The following RAB7A variants were observed in gnomAD, a reference collection of about 807,000 sequenced individuals.
RAB7A encodes RAB7A, member RAS oncogene family.
A neutral mutation model predicts 24.5 loss-of-function variants in RAB7A; 2 were observed. The ratio of observed to expected loss-of-function variants is 0.08; its 90% CI spans 0.03 to 0.26. The LOEUF (loss-of-function observed/expected upper bound fraction) is 0.26. RAB7A is among the 10% of genes least tolerant of loss of function. The pLI is 1.00. For missense variants in RAB7A, 118 were observed against 255.7 expected, an observed-to-expected ratio of 0.46 and a Z score of 3.67; for synonymous variants, 100 against 95.9, an observed-to-expected ratio of 1.04 and a Z score of -0.25.
chr3:128,798,875 C>A, intron 3 of RAB7A: 1 of 273,484 alleles, frequency 3.7e-6, no homozygotes. Flanking sequence ...CCTGTATTTT[C>A]ATCTCTTTCT....
At chr3:128,811,445 T>A (rs1933926604) in intron 5 of RAB7A, among the ~76,000 whole-genome samples, 1 of 152,248 alleles carries the variant, frequency 6.6e-6, no homozygotes, top group South Asian at 2.1e-4. Context: ...CCATGCATTC[T>A]AATATTATTC....
intron 1 of RAB7A, among the ~76,000 whole-genome samples, chr3:128,775,402 G>A (rs1330477031): frequency 3.3e-5 from 5 of 152,140 alleles, no homozygotes; most frequent in Non-Finnish European, 2.9e-5. Flanking sequence ...CCTTTCACCT[G>A]GTGTAACATC....
chr3:128,760,679 G>A (rs2070769956), intron 1 of RAB7A, among the ~76,000 whole-genome samples: 1 of 152,222 alleles, frequency 6.6e-6, no homozygotes, highest in African/African-American at 2.4e-5. Flanking sequence ...CAAAGGCAAA[G>A]CCTGGAGTGT....
intron 1 of RAB7A, among the ~76,000 whole-genome samples, chr3:128,753,403 A>T (rs1171008077): frequency 5.9e-5 from 9 of 152,320 alleles, no homozygotes; most frequent in Non-Finnish European, 1.5e-5. Context: ...TATTACCCTG[A>T]ACTGTATACT....
intron 1 of RAB7A, among the ~76,000 whole-genome samples, chr3:128,778,240 A>G (rs541649220): frequency 6.6e-6 from 1 of 152,332 alleles, no homozygotes; most frequent in Middle Eastern, 3.4e-3. Flanking sequence ...TTTCCTTTAA[A>G]TAGCCACCGG....
chr3:128,789,991 C>G (rs1308544646), intron 1 of RAB7A, among the ~76,000 whole-genome samples: 2 of 152,012 alleles, frequency 1.3e-5, no homozygotes, highest in Non-Finnish European at 2.9e-5. Flanking sequence ...GGTGTTTCAC[C>G]ATGTTGGCCA....
chr3:128,788,504 T>C (rs1167266180), intron 1 of RAB7A, among the ~76,000 whole-genome samples: 2 of 152,192 alleles, frequency 1.3e-5, no homozygotes, highest in Non-Finnish European at 2.9e-5. Context: ...ACATCATCAA[T>C]GTGTCCTGAC....
chr3:128,737,449 T>A (rs143795201), intron 1 of RAB7A, among the ~76,000 whole-genome samples: 58 of 148,932 alleles, frequency 3.9e-4, no homozygotes, highest in African/African-American at 1.4e-3. Context: ...GCTCAAGCGA[T>A]CCTCCCACCT....
Position 128,798,199 on chromosome 3 carries a change from T to TA in RAB7A, c.180+131dup. ...ATCTTATTTGTAGATAATTGGCTGATACTCAGTTAAATTTGAATTTCAGAT... is the reference window on the plus strand; with the variant it reads ...ATCTTATTTGTAGATAATTGGCTGATAACTCAGTTAAATTTGAATTTCAGAT... On this transcript the variant is annotated intron_variant, in intron 3 of 5. Transcript: ENST00000265062. 3 of 1,240,840 alleles carry TA rather than the reference T, an allele frequency of 2.4e-6. No homozygotes were observed. The South Asian group carries it at 3.9e-5, about 16-fold the overall frequency. The allele number at this position is 1,240,840 out of a possible 1,614,324, so 76.9% of individuals were successfully genotyped here.
intron 1 of RAB7A, among the ~76,000 whole-genome samples, chr3:128,792,288 G>A (rs1933471716): frequency 6.6e-6 from 1 of 152,172 alleles, no homozygotes; most frequent in Admixed American, 6.5e-5. Flanking sequence ...TGGTACACCA[G>A]TGAAACCTAT....
At chr3:128,734,359 A>G (rs984995548) in intron 1 of RAB7A, among the ~76,000 whole-genome samples, 2 of 144,292 alleles carry the variant, frequency 1.4e-5, no homozygotes, top group African/African-American at 5.0e-5. Flanking sequence ...CGAACCTGGG[A>G]GGTGGATGTT....
At chr3:128,748,207 G>C (rs2070638914) in intron 1 of RAB7A, among the ~76,000 whole-genome samples, 1 of 152,218 alleles carries the variant, frequency 6.6e-6, no homozygotes, top group African/African-American at 2.4e-5. Context: ...GATTATCGTT[G>C]GGGACAGGTG....
chr3:128,763,972 A>C (rs751135808), intron 1 of RAB7A, among the ~76,000 whole-genome samples: 4 of 147,636 alleles, frequency 2.7e-5, no homozygotes, highest in Non-Finnish European at 4.4e-5. Context: ...TATTGTTAGA[A>C]GTATTCACTC....
At chr3:128,729,278 AAT>A (rs1254053374) in intron 1 of RAB7A, among the ~76,000 whole-genome samples, 1 of 152,062 alleles carries the variant, frequency 6.6e-6, no homozygotes, top group Non-Finnish European at 1.5e-5. Flanking sequence ...ATTAGCTTTT[AAT>A]ATGTCTTCAG....
chr3:128,739,183 G>A (rs1309942862), intron 1 of RAB7A, among the ~76,000 whole-genome samples: 1 of 152,140 alleles, frequency 6.6e-6, no homozygotes, highest in Non-Finnish European at 1.5e-5. Context: ...TTTAAAATGT[G>A]TACTCGTTTC....
Position 128,813,351 on chromosome 3 carries a change from G to C in RAB7A, c.553G>C (p.Glu185Gln). ...GGAAACGGAGGTGGAGCTGTACAAC[G>C]AATTTCCTGAACCTATCAAACTGGA... ...KQETEVELYN[E>Q]FPEPIKLDKN... The change falls in exon 6 of 6, where the codon GAA (glutamate) becomes CAA (glutamine). Residue 185 changes from glutamate (E) to glutamine (Q), a missense_variant. By Grantham distance (29) the Glu-to-Gln change is conservative. Around this residue, in one of 2 missense-constraint regions of RAB7A, gnomAD observed 66 missense variants for 82.2 expected, o/e 0.80. Coordinates refer to ENST00000265062, the MANE Select transcript of RAB7A (RefSeq NM_004637.6). 2 of 1,614,150 alleles carry C rather than the reference G, an allele frequency of 1.2e-6. No individual in the cohort carries two copies. The highest frequency in any genetic ancestry group is 1.7e-6 in the Non-Finnish European group (2 of 1,180,020).
At chr3:128,764,485 T>C (rs2070807860) in intron 1 of RAB7A, 1 of 781,540 alleles carries the variant, frequency 1.3e-6, no homozygotes, top group African/African-American at 1.7e-5. Context: ...ATTATCACTG[T>C]CTCCCAGGGT....
At chr3:128,730,683 A>G (rs1470773541) in intron 1 of RAB7A, among the ~76,000 whole-genome samples, 13 of 152,248 alleles carry the variant, frequency 8.5e-5, no homozygotes, top group Admixed American at 8.5e-4. Flanking sequence ...TTACAAAAAC[A>G]TATTTAAGAA....
intron 1 of RAB7A, among the ~76,000 whole-genome samples, chr3:128,773,954 AG>A (rs1465211321): frequency 6.6e-6 from 1 of 151,538 alleles, no homozygotes; most frequent in Non-Finnish European, 1.5e-5. Context: ...GGAAGGCCTC[AG>A]GGTCCTCTGC....
Sources: gnomAD v4.1 joint callset for allele counts (sites outside exome capture counted in the v4.1 genomes callset) on GRCh38, gnomAD v4.1.1 for gene constraint, gnomAD v4.1.1 regional missense constraint, MANE v1.5 for transcripts, NCBI Gene and HGNC (gene_info 2026-07-23, HGNC 2026-07-21) for gene names.